The following ICE2 variants were observed in gnomAD, a reference collection of about 807,000 sequenced individuals.
ICE2 encodes little elongation complex subunit 2.
A neutral mutation model predicts 105.4 loss-of-function variants in ICE2; 87 were observed. The observed-to-expected ratio is 0.83, with a 90% CI of 0.69 to 0.99. ICE2 has a LOEUF of 0.99. Ranked by LOEUF, ICE2 falls within the 50% of genes least tolerant of loss-of-function variation. The probability of loss-of-function intolerance (pLI) is 0.00; values close to 1 mark genes in which losing one functional copy is unlikely to be tolerated. For missense variants in ICE2, 1,323 were observed against 1,146.7 expected (o/e 1.15, Z -2.22); for synonymous variants, 399 against 392.0 (o/e 1.02, Z -0.21).
rs530230052 is a variant in ICE2 at position 60,456,818 on chromosome 15, A to G, written c.529-24T>C. ...TTCTGAGAAACAGAAATTAAGAAAA[A>G]TTCATTTGTATTTCTCTAATAATGC... On this transcript the variant is annotated intron_variant, in intron 5 of 15. Transcript: ENST00000261520. The G allele has an allele frequency of 2.9e-6, 4 of 1,401,008 alleles. No homozygotes were observed. In the South Asian group the frequency reaches 5.9e-5, roughly 21 times the overall value. The allele number at this position is 1,401,008 out of a possible 1,614,324, so 86.8% of individuals were successfully genotyped here.
intron 3 of ICE2, among the ~76,000 whole-genome samples, chr15:60,469,588 A>T (rs1377824027): frequency 6.6e-6 from 1 of 152,220 alleles, no homozygotes; most frequent in Non-Finnish European, 1.5e-5. Flanking sequence ...CGGTCCTTGG[A>T]TTGGTGTCAC....
In ICE2 at chr15:60,421,540, T is replaced by C. The variant is rs1251460248; in HGVS notation, c.*2094A>G. On this transcript the variant is annotated 3_prime_UTR_variant, in exon 16 of 16. Transcript: ENST00000261520. ...ATGGATAAGATAACACATTTTATGA[T>C]GTAAAAAGTAATATTTAAAAATTAA... is the stretch of plus-strand genomic sequence containing the variant. 1 of 152,238 alleles carries C rather than the reference T, an allele frequency of 6.6e-6. No individual in the cohort carries two copies. The highest frequency in any genetic ancestry group is 1.9e-4 in the East Asian group (1 of 5,206). The allele number at this position is 152,238 out of a possible 1,614,324, so 9.4% of individuals were successfully genotyped here.
At chr15:60,478,718 T>C (rs943551303) in intron 1 of ICE2, 3 of 341,764 alleles carry the variant, frequency 8.8e-6, no homozygotes, top group Non-Finnish European at 1.8e-5. Flanking sequence ...GGCTCCCACT[T>C]AATCTACCTC....
In ICE2 at chr15:60,423,567, T is replaced by A. The variant is rs1242779171; in HGVS notation, c.*67A>T. 11 of 1,449,056 alleles carry A rather than the reference T, an allele frequency of 7.6e-6. No homozygotes were observed. Among genetic ancestry groups the A allele is most frequent in the Non-Finnish European group, 9.2e-6 (10 of 1,087,562 alleles). The allele number at this position is 1,449,056 out of a possible 1,614,324, so 89.8% of individuals were successfully genotyped here. ...CCTCTTGCCTACTGATTATTTTCCCTCAAACTTATCTAAATTAAACACTGT... is the reference window on the plus strand; with the variant it reads ...CCTCTTGCCTACTGATTATTTTCCCACAAACTTATCTAAATTAAACACTGT... On this transcript the variant is annotated 3_prime_UTR_variant, in exon 16 of 16. Transcript: ENST00000261520.
chr15:60,421,203 TA>T lies in ICE2; in HGVS notation c.*2430del, dbSNP rs59194437. The T allele has an allele frequency of 0.97, 141,756 of 146,828 alleles. 68,514 individuals carry two copies. The highest frequency in any genetic ancestry group is 0.99 in the Middle Eastern group (286 of 288). The allele number at this position is 146,828 out of a possible 1,614,324, so 9.1% of individuals were successfully genotyped here. A position where few individuals can be genotyped will look rare whatever the true frequency, so the allele number is the denominator to read the frequency against. ...ATCCTTGCTAGCCCTAAGTCTGATT[TA>T]AAAAAAAAAAAAAAACTTGCTCATT... is the stretch of plus-strand genomic sequence containing the variant. On this transcript the variant is annotated 3_prime_UTR_variant, in exon 16 of 16. Coordinates refer to ENST00000261520, the MANE Select transcript of ICE2 (RefSeq NM_024611.6).
chr15:60,446,373 T>C (rs2063822198), intron 11 of ICE2, among the ~76,000 whole-genome samples: 1 of 152,128 alleles, frequency 6.6e-6, no homozygotes, highest in South Asian at 2.1e-4. Context: ...CCGCTGTTAT[T>C]AGCAATGTGG....
chr15:60,438,097 C>T (rs967663548), intron 12 of ICE2: 2 of 152,122 alleles, frequency 1.3e-5, no homozygotes, highest in Admixed American at 6.5e-5. Flanking sequence ...GAGCTAACAC[C>T]AAGGTCCTGA....
intron 11 of ICE2, chr15:60,447,488 T>C (rs2063848324): frequency 6.6e-6 from 1 of 152,314 alleles, no homozygotes; most frequent in African/African-American, 2.4e-5. Context: ...TAATGAGATA[T>C]CTTGGGGACA....
intron 5 of ICE2, among the ~76,000 whole-genome samples, chr15:60,460,790 T>C (rs1195364003): frequency 6.6e-6 from 1 of 152,136 alleles, no homozygotes. Context: ...CTAGAACAAC[T>C]AGATATTCAT....
chr15:60,444,923 G>C (rs531900158), intron 11 of ICE2, among the ~76,000 whole-genome samples: 73 of 152,242 alleles, frequency 4.8e-4, no homozygotes, highest in African/African-American at 1.7e-3. Flanking sequence ...GAGCTCAGCT[G>C]ATCTACCTGC....
intron 13 of ICE2, among the ~76,000 whole-genome samples, chr15:60,435,225 G>A (rs1229002530): frequency 6.7e-6 from 1 of 150,118 alleles, no homozygotes; most frequent in Non-Finnish European, 1.5e-5. Context: ...AACTTGCAGT[G>A]AGCCGAGATC....
chr15:60,449,249 G>C lies in ICE2; in HGVS notation c.1718C>G (p.Thr573Arg), dbSNP rs1458203314. The stretch of plus-strand genomic sequence containing the variant: ...ATCAATGATTAAACACTCCTCATCT[G>C]TATCACTGCTGCAGAGAACTGTATC... ...TEDTVLCSSDTDEECLIIDTE... is the reference protein window; with the variant it reads ...TEDTVLCSSDRDEECLIIDTE... Residue 573 changes from threonine (T) to arginine (R), a missense_variant, in exon 10 of 16, where the codon ACA becomes AGA. Thr to Arg is a moderately conservative substitution (Grantham distance 71, BLOSUM62 -1). Coordinates refer to ENST00000261520, the MANE Select transcript of ICE2 (RefSeq NM_024611.6). 2.5e-6 allele frequency: 4 copies of C among 1,613,632 alleles called. No homozygotes were observed. Among genetic ancestry groups the C allele is most frequent in the South Asian group, 1.1e-5 (1 of 91,064 alleles).
At chr15:60,448,600 C>T (rs1303435071) in intron 10 of ICE2, among the ~76,000 whole-genome samples, 1 of 152,100 alleles carries the variant, frequency 6.6e-6, no homozygotes, top group African/African-American at 2.4e-5. Context: ...AATCACATTA[C>T]CTATAGCTTA....
chr15:60,432,038 G>C (rs892018441), intron 13 of ICE2, 54 bp from the exon 14 acceptor site: 109 of 910,578 alleles, frequency 1.2e-4, no homozygotes, highest in Non-Finnish European at 1.8e-4. Flanking sequence ...CTTACTTTTA[G>C]CAATTATAGC....
chr15:60,420,811 G>C lies in ICE2; in HGVS notation c.*2823C>G, dbSNP rs1352250290. The C allele has an allele frequency of 1.3e-5, 2 of 151,990 alleles. No homozygotes were observed. The highest frequency in any genetic ancestry group is 6.6e-5 in the Admixed American group (1 of 15,262). The allele number at this position is 151,990 out of a possible 1,614,324, so 9.4% of individuals were successfully genotyped here. Reference sequence around the variant, plus strand: ...AGCACTTATCACATAAAGCAGTATAGTGTCTTCCACTAGAATGTGATCTCC... The same window carrying C: ...AGCACTTATCACATAAAGCAGTATACTGTCTTCCACTAGAATGTGATCTCC... On this transcript the variant is annotated 3_prime_UTR_variant, in exon 16 of 16. Coordinates refer to ENST00000261520, the MANE Select transcript of ICE2 (RefSeq NM_024611.6).
chr15:60,468,414 T>C (rs1464930630), intron 3 of ICE2, 92 bp from the exon 4 acceptor site: 5 of 975,424 alleles, frequency 5.1e-6, no homozygotes, highest in African/African-American at 3.3e-5. Flanking sequence ...AGGGAGAATA[T>C]AGCGTGATTA....
In ICE2 at chr15:60,422,480, C is replaced by A. The variant is rs538630511; in HGVS notation, c.*1154G>T. The A allele has an allele frequency of 6.6e-6, 1 of 152,070 alleles. No individual in the cohort carries two copies. Among genetic ancestry groups the A allele is most frequent in the African/African-American group, 2.4e-5 (1 of 41,352 alleles). The allele number at this position is 152,070 out of a possible 1,614,324, so 9.4% of individuals were successfully genotyped here. On this transcript the variant is annotated 3_prime_UTR_variant, in exon 16 of 16. Coordinates refer to ENST00000261520, the MANE Select transcript of ICE2 (RefSeq NM_024611.6). ...CTACAGCAACATCAGTTGATTATGC[C>A]CTTTTCCAAATTCATCTGCAGGCCC...
At chr15:60,440,262 C>T (rs1231004427) in intron 12 of ICE2, 1 of 152,176 alleles carries the variant, frequency 6.6e-6, no homozygotes, top group Non-Finnish European at 1.5e-5. Context: ...ACTGTTAATA[C>T]ACGGTCATAA....
chr15:60,443,078 A>G (rs79393987), intron 11 of ICE2: 2 of 152,362 alleles, frequency 1.3e-5, no homozygotes, highest in South Asian at 4.1e-4. Flanking sequence ...CCTGTTTGTC[A>G]TTATCTTCAA....
Sources: allele counts gnomAD v4.1 joint callset (sites outside exome capture counted in the v4.1 genomes callset), GRCh38; gene constraint gnomAD v4.1.1; transcripts MANE v1.5; gene names NCBI Gene and HGNC (gene_info 2026-07-23, HGNC 2026-07-21).